MASP1: variants seen among roughly 807,000 people sequenced by gnomAD.
MASP1 encodes the protein MBL associated serine protease 1, also known as mannan-binding lectin serine protease 1.
Under a neutral mutation model 77.1 loss-of-function variants are expected in MASP1, and 59 were observed. The observed-to-expected ratio is 0.77, with a 90% confidence interval of 0.62 to 0.95. The LOEUF (loss-of-function observed/expected upper bound fraction) is 0.95. Among genes scored for constraint, MASP1 ranks in the 40% least tolerant of loss-of-function variants. MASP1 has a pLI of 0.00. For missense variants in MASP1, 885 were observed against 912.9 expected (o/e 0.97, Z 0.39); for synonymous variants, 362 against 354.5 (o/e 1.02, Z -0.24).
At chr3:187,240,755 C>A (rs182042978) in intron 10 of MASP1, among the ~76,000 whole-genome samples, 2 of 152,286 alleles carry the variant, frequency 1.3e-5, no homozygotes, top group East Asian at 3.9e-4. Flanking sequence ...TCTCAGCCTC[C>A]TGAGTAGCTG....
chr3:187,288,752 C>T (rs775156994), intron 1 of MASP1, among the ~76,000 whole-genome samples: 3 of 152,154 alleles, frequency 2.0e-5, no homozygotes, highest in Non-Finnish European at 2.9e-5. Context: ...CAGACCACAT[C>T]GAGGAGACAC....
downstream of MASP1, among the ~76,000 whole-genome samples, chr3:187,230,622 T>C (rs1712712410): frequency 6.6e-6 from 1 of 152,202 alleles, no homozygotes; most frequent in Non-Finnish European, 1.5e-5. Flanking sequence ...GAAGATCCCC[T>C]CCACCACAGT....
At chr3:187,276,020 C>T (rs1358637036) in intron 2 of MASP1, among the ~76,000 whole-genome samples, 1 of 151,954 alleles carries the variant, frequency 6.6e-6, no homozygotes, top group African/African-American at 2.4e-5. Context: ...TGCCCTCCAG[C>T]CACACTGCCA....
At chr3:187,218,033 GT>G (rs1711855443) in exon 16 of MASP1, 1 of 152,152 alleles carries the variant, frequency 6.6e-6, no homozygotes, top group Non-Finnish European at 1.5e-5. Context: ...ATTTACTATT[GT>G]TCTCCCTCCA....
chr3:187,235,549 C>T lies in MASP1; in HGVS notation c.*135G>A. 1 of 1,544,530 alleles carries T rather than the reference C, an allele frequency of 6.5e-7. No homozygotes were observed. The highest frequency in any genetic ancestry group is 8.7e-7 in the Non-Finnish European group (1 of 1,153,076). ...ACTCTGCCTCTCAGGGTCCTGGGGG[C>T]TGTCTCGGTAGGAGAAGCCACCGCT... On this transcript the variant is annotated 3_prime_UTR_variant, in exon 11 of 11. Coordinates refer to ENST00000296280, the MANE Select transcript of MASP1 (RefSeq NM_139125.4).
intron 9 of MASP1, 142 bp from the exon 10 acceptor site, chr3:187,241,697 T>C: frequency 1.5e-6 from 1 of 665,448 alleles, no homozygotes; most frequent in Non-Finnish European, 2.8e-6. Flanking sequence ...GATACGATTG[T>C]CTCTGAGCCT....
At chr3:187,277,441 T>G (rs1717053073) in intron 2 of MASP1, among the ~76,000 whole-genome samples, 1 of 152,208 alleles carries the variant, frequency 6.6e-6, no homozygotes, top group Non-Finnish European at 1.5e-5. Context: ...AAACATTTTT[T>G]TCTCTCAAAG....
rs999100866 is a variant in MASP1 at position 187,250,451 on chromosome 3, C to T, written c.1012-122G>A. On this transcript the variant is annotated intron_variant, in intron 7 of 10. Coordinates refer to ENST00000296280, the MANE Select transcript of MASP1 (RefSeq NM_139125.4). The stretch of plus-strand genomic sequence containing the variant: ...TTGATCTCGACTGAGATTTTCCACC[C>T]ATGGGCTTCCAAGGGTGAGCTTGAA... 5 of 790,834 alleles carry T rather than the reference C, an allele frequency of 6.3e-6. No homozygotes were observed. The East Asian group carries it at 9.7e-5, about 15-fold the overall frequency. 49.0% of individuals were successfully genotyped at this position (790,834 alleles called of 1,614,324 possible). A position where few individuals can be genotyped will look rare whatever the true frequency, so the allele number is the denominator to read the frequency against.
chr3:187,235,192 A>G lies in MASP1; in HGVS notation c.*492T>C. 1 of 1,288,186 alleles carries G rather than the reference A, an allele frequency of 7.8e-7. No individual in the cohort carries two copies. Among genetic ancestry groups the G allele is most frequent in the African/African-American group, 1.5e-5 (1 of 65,984 alleles). The allele number at this position is 1,288,186 out of a possible 1,614,324, so 79.8% of individuals were successfully genotyped here. A position where few individuals can be genotyped will look rare whatever the true frequency, so the allele number is the denominator to read the frequency against. On this transcript the variant is annotated 3_prime_UTR_variant, in exon 11 of 11. Coordinates refer to ENST00000296280, the MANE Select transcript of MASP1 (RefSeq NM_139125.4). Reference sequence around the variant, plus strand: ...CAAAACCTGAATGCTCTTCTCCTAGAGGAAGGATTAGGCCAAGGCTAGTCC... The same window carrying G: ...CAAAACCTGAATGCTCTTCTCCTAGGGGAAGGATTAGGCCAAGGCTAGTCC...
At chr3:187,247,320 G>A (rs1245102590) in intron 8 of MASP1, 2 of 1,614,086 alleles carry the variant, frequency 1.2e-6, no homozygotes, top group South Asian at 1.1e-5. Context: ...TGCATTGTGT[G>A]GGGTCCCGTC....
At chr3:187,221,576 G>A (rs1712062864) in intron 14 of MASP1, among the ~76,000 whole-genome samples, 2 of 152,196 alleles carry the variant, frequency 1.3e-5, no homozygotes, top group Admixed American at 6.5e-5. Flanking sequence ...TCTGAAAAAT[G>A]GAGGTTGCAG....
intron 2 of MASP1, among the ~76,000 whole-genome samples, chr3:187,270,680 TTTTC>T (rs1044027777): frequency 3.9e-5 from 6 of 152,214 alleles, no homozygotes; most frequent in Admixed American, 1.3e-4. Context: ...TTGAATAATT[TTTTC>T]TTTAACACTT....
At chr3:187,251,107 C>T (rs991182439) in intron 7 of MASP1, among the ~76,000 whole-genome samples, 4 of 152,008 alleles carry the variant, frequency 2.6e-5, no homozygotes, top group African/African-American at 4.8e-5. Flanking sequence ...TACAGGCGCC[C>T]GCCACCACAC....
chr3:187,254,141 A>G (rs1714868452), intron 5 of MASP1, among the ~76,000 whole-genome samples: 1 of 152,212 alleles, frequency 6.6e-6, no homozygotes, highest in Non-Finnish European at 1.5e-5. Context: ...AATAAGAAAT[A>G]ATAAACAAAA....
intron 13 of MASP1, among the ~76,000 whole-genome samples, chr3:187,223,588 T>C (rs749370255): frequency 1.3e-5 from 2 of 152,214 alleles, no homozygotes; most frequent in Non-Finnish European, 2.9e-5. Context: ...TAGTCCACTA[T>C]GTGCTATGGT....
At chr3:187,290,208 A>C (rs1718197580) in intron 1 of MASP1, among the ~76,000 whole-genome samples, 1 of 152,222 alleles carries the variant, frequency 6.6e-6, no homozygotes, top group South Asian at 2.1e-4. Flanking sequence ...GGACAGAAAC[A>C]GAACAAAGGA....
chr3:187,267,965 C>T (rs1716183656), intron 2 of MASP1, among the ~76,000 whole-genome samples: 1 of 152,190 alleles, frequency 6.6e-6, no homozygotes, highest in Admixed American at 6.5e-5. Flanking sequence ...AAAGACTTTG[C>T]TTTCCTGATT....
At position 187,256,724 on chromosome 3, in the gene MASP1, A is replaced by G; in HGVS notation, c.684T>C (p.Phe228=). 6.2e-7 allele frequency: 1 copy of G among 1,614,010 alleles called. No homozygotes were observed. The highest frequency in any genetic ancestry group is 8.5e-7 in the Non-Finnish European group (1 of 1,180,002). ...GGTCCTCAATGTCAAATATGTCCTC[A>G]AACTGCAGGTTGACCATGAAACCCT... ...LEEGFMVNLQ[F]EDIFDIEDHP... is the part of the protein sequence containing the mutation. The change falls in exon 5 of 11, where the codon TTT becomes TTC. Residue 228 remains phenylalanine (F), a synonymous_variant. Transcript: ENST00000296280.
chr3:187,226,245 T>C (rs1213219622), intron 12 of MASP1: 1 of 662,482 alleles, frequency 1.5e-6, no homozygotes, highest in Non-Finnish European at 2.8e-6. Flanking sequence ...TGGAGAATCA[T>C]ATCTTGCACT....
Sources: allele counts gnomAD v4.1 joint callset (sites outside exome capture counted in the v4.1 genomes callset), GRCh38; gene constraint gnomAD v4.1.1; transcripts MANE v1.5; gene names NCBI Gene and HGNC (gene_info 2026-07-23, HGNC 2026-07-21).